The following SLC30A9 variants were observed in gnomAD, a reference collection of about 807,000 sequenced individuals.
SLC30A9 encodes the protein solute carrier family 30 member 9.
Under a neutral mutation model 87.5 loss-of-function variants are expected in SLC30A9, and 58 were observed. The observed-to-expected ratio is 0.66, with a 90% CI of 0.54 to 0.82. The LOEUF (loss-of-function observed/expected upper bound fraction) is 0.82. Ranked by LOEUF, SLC30A9 falls within the 40% of genes least tolerant of loss-of-function variation. The pLI, the probability that SLC30A9 is intolerant of heterozygous loss-of-function variation, is 0.00. For synonymous variants in SLC30A9, 234 were observed against 233.0 expected (o/e 1.00, Z -0.04); for missense variants, 557 against 679.1 (o/e 0.82, Z 2.00).
At chr4:41,997,166 A>AG (rs1382269362) in intron 1 of SLC30A9, among the ~76,000 whole-genome samples, 2 of 151,704 alleles carry the variant, frequency 1.3e-5, no homozygotes, top group South Asian at 4.2e-4. Flanking sequence ...ACTCAAAAAA[A>AG]AAAAAGATTC....
At position 42,009,064 on chromosome 4, in the gene SLC30A9, A is replaced by G. The variant is rs547003907; in HGVS notation, c.274+7284A>G. On this transcript the variant is annotated intron_variant, in intron 2 of 17. Transcript: ENST00000264451. ...ATAATTAAGGGTAAAATATGTTACA[A>G]TGCTCTGCAGAGGTGAACACAGACT... Among the ~76,000 whole-genome samples the G allele has an allele frequency of 2.8e-4, 43 of 152,342 alleles. 1 individual carries two copies. The highest frequency in any genetic ancestry group is 7.5e-4 in the African/African-American group (31 of 41,584).
chr4:42,007,655 G>C (rs1436655168), intron 2 of SLC30A9, among the ~76,000 whole-genome samples: 2 of 152,178 alleles, frequency 1.3e-5, no homozygotes, highest in Non-Finnish European at 2.9e-5. Flanking sequence ...TACTCGGGAG[G>C]CTGAGGCAGG....
chr4:41,990,924 G>C (rs1714406453), intron 1 of SLC30A9, among the ~76,000 whole-genome samples, 164 bp downstream of exon 1: 1 of 152,256 alleles, frequency 6.6e-6, no homozygotes, highest in Admixed American at 6.5e-5. Flanking sequence ...GCCCGCGGGG[G>C]TCCTGACAGG....
chr4:42,000,207 T>C (rs1714920454), intron 1 of SLC30A9, among the ~76,000 whole-genome samples: 1 of 148,608 alleles, frequency 6.7e-6, no homozygotes, highest in Non-Finnish European at 1.5e-5. Context: ...TTAGCACAAA[T>C]TCTATGAAAA....
At chr4:42,048,849 A>G (rs1157081607) in intron 8 of SLC30A9, among the ~76,000 whole-genome samples, 5 of 152,226 alleles carry the variant, frequency 3.3e-5, no homozygotes, top group African/African-American at 9.6e-5. Flanking sequence ...TTGCTTACAC[A>G]TAGCATGCCT....
chr4:42,027,465 CTT>C (rs71198701), intron 6 of SLC30A9, among the ~76,000 whole-genome samples: 2 of 147,124 alleles, frequency 1.4e-5, no homozygotes, highest in African/African-American at 2.5e-5. Flanking sequence ...TGTACATGAC[CTT>C]TTTTTTTTTT....
Position 42,057,994 on chromosome 4 carries a change from C to T in SLC30A9, c.841-2197C>T, listed in dbSNP as rs1175167780. Among the ~76,000 whole-genome samples the T allele has an allele frequency of 2.0e-5, 3 of 150,026 alleles. No individual in the cohort carries two copies. In the East Asian group the frequency reaches 5.9e-4, roughly 30 times the overall value. ...GCACTTGCCTGTAGTCCCAGCTACT[C>T]GGGAGGCTGAGGCAGGATAATCGCT... On this transcript the variant is annotated intron_variant, in intron 9 of 17. Coordinates refer to ENST00000264451, the MANE Select transcript of SLC30A9 (RefSeq NM_006345.4).
Position 42,078,326 on chromosome 4 carries a change from G to T in SLC30A9, c.1662+1G>T. 2 of 1,380,520 alleles carry T rather than the reference G, an allele frequency of 1.4e-6. No individual in the cohort carries two copies. The highest frequency in any genetic ancestry group is 2.0e-6 in the Non-Finnish European group (2 of 982,372). 85.5% of individuals were successfully genotyped at this position (1,380,520 alleles called of 1,614,324 possible). A position where few individuals can be genotyped will look rare whatever the true frequency, so the allele number is the denominator to read the frequency against. On this transcript the variant is annotated splice_donor_variant, in intron 17 of 17. Coordinates refer to ENST00000264451, the MANE Select transcript of SLC30A9 (RefSeq NM_006345.4). LOFTEE classifies it high-confidence loss of function. ...AGATAGACTTGAGAAGGAACTGAAAGTAAGATGTATTCATAAAAATAACAT... is the reference window on the plus strand; with the variant it reads ...AGATAGACTTGAGAAGGAACTGAAATTAAGATGTATTCATAAAAATAACAT...
chr4:41,996,285 G>A (rs1213752683), intron 1 of SLC30A9, among the ~76,000 whole-genome samples: 2 of 150,692 alleles, frequency 1.3e-5, no homozygotes, highest in African/African-American at 4.9e-5. Context: ...TAGTAGAGAT[G>A]GGGTTTTTCC....
At position 42,070,590 on chromosome 4, in the gene SLC30A9, A is replaced by G; in HGVS notation, c.1317A>G (p.Ala439=). ...GCACCTTATTAGGCATGGTCTCAGC[A>G]TTCCTCATCTACACTAACACAGAAG... ...GVGTLLGMVS[A]FLIYTNTEAL... The change falls in exon 15 of 18, where the codon GCA becomes GCG. Residue 439 remains alanine (A), a synonymous_variant. Transcript: ENST00000264451. The G allele has an allele frequency of 6.2e-7, 1 of 1,613,278 alleles. No individual in the cohort carries two copies. Among genetic ancestry groups the G allele is most frequent in the Non-Finnish European group, 8.5e-7 (1 of 1,179,688 alleles).
chr4:41,998,699 C>T (rs1203913941), intron 1 of SLC30A9, among the ~76,000 whole-genome samples: 1 of 152,052 alleles, frequency 6.6e-6, no homozygotes, highest in African/African-American at 2.4e-5. Flanking sequence ...CTCCTGACCT[C>T]GTGACCTGCC....
chr4:41,995,620 A>G (rs1714666090), intron 1 of SLC30A9, among the ~76,000 whole-genome samples: 1 of 152,236 alleles, frequency 6.6e-6, no homozygotes, highest in South Asian at 2.1e-4. Context: ...CTAGGCATGA[A>G]AGATGAAAAT....
rs183587056 is a variant in SLC30A9, at chr4:42,012,700, A to G, written c.275-5411A>G. On this transcript the variant is annotated intron_variant, in intron 2 of 17. Transcript: ENST00000264451. ...GCTATCAAATAGTAGATCTTTTTCTATTTTTTTAATCCATTAACCATCTTC... is the reference window on the plus strand; with the variant it reads ...GCTATCAAATAGTAGATCTTTTTCTGTTTTTTTAATCCATTAACCATCTTC... 9.0e-3 allele frequency among the ~76,000 whole-genome samples: 1,375 copies of G among 152,206 alleles called. 21 individuals carry two copies. Among genetic ancestry groups the G allele is most frequent in the African/African-American group, 0.032 (1,322 of 41,516 alleles).
chr4:42,074,429 T>C (rs1039122102), intron 15 of SLC30A9, among the ~76,000 whole-genome samples: 1 of 152,192 alleles, frequency 6.6e-6, no homozygotes, highest in Admixed American at 6.5e-5. Context: ...CAGTGATCAC[T>C]GTAGAAAGAA....
intron 8 of SLC30A9, among the ~76,000 whole-genome samples, chr4:42,043,255 G>A (rs950591085): frequency 2.0e-5 from 3 of 152,080 alleles, no homozygotes; most frequent in Non-Finnish European, 4.4e-5. Context: ...CAGAAAGTGG[G>A]TAATAACAAA....
chr4:42,064,733 A>C (rs1718013961), intron 11 of SLC30A9, among the ~76,000 whole-genome samples: 1 of 152,164 alleles, frequency 6.6e-6, no homozygotes, highest in Non-Finnish European at 1.5e-5. Context: ...TCAGTAACTA[A>C]ATGGGTTTCC....
chr4:42,004,716 G>A (rs77294129), intron 2 of SLC30A9, among the ~76,000 whole-genome samples: 4 of 142,226 alleles, frequency 2.8e-5, no homozygotes, highest in African/African-American at 1.0e-4. Context: ...CTAGAATGCA[G>A]TGGTGTGATC....
At chr4:42,005,647 C>T (rs2581447) in intron 2 of SLC30A9, among the ~76,000 whole-genome samples, 2 of 151,944 alleles carry the variant, frequency 1.3e-5, no homozygotes, top group African/African-American at 2.4e-5. Flanking sequence ...AATAGAAATC[C>T]GGGGAAAGCT....
intron 8 of SLC30A9, among the ~76,000 whole-genome samples, chr4:42,046,191 C>T (rs1284788197): frequency 1.3e-5 from 2 of 152,170 alleles, no homozygotes; most frequent in Non-Finnish European, 2.9e-5. Flanking sequence ...AGGATGCTGT[C>T]TCTCACCACT....
Sources: allele counts gnomAD v4.1 joint callset (sites outside exome capture counted in the v4.1 genomes callset), GRCh38; gene constraint gnomAD v4.1.1; transcripts MANE v1.5; gene names NCBI Gene and HGNC (gene_info 2026-07-23, HGNC 2026-07-21).